The following PLA2G4D variants were observed in gnomAD, a reference collection of about 807,000 sequenced individuals.
PLA2G4D encodes phospholipase A2 group IVD.
PLA2G4D carries 80 observed loss-of-function variants against 94.4 expected under a neutral mutation model. The ratio of observed to expected loss-of-function variants is 0.85; its 90% CI spans 0.71 to 1.02. The LOEUF (loss-of-function observed/expected upper bound fraction) is 1.02, where lower values mean the gene tolerates loss of function less well. Among genes scored for constraint, PLA2G4D ranks in the 50% least tolerant of loss-of-function variants. The pLI, the probability that PLA2G4D is intolerant of heterozygous loss-of-function variation, is 0.00. For missense variants in PLA2G4D, 1,050 were observed against 1,034.7 expected, an observed-to-expected ratio of 1.01 and a Z score of -0.20; for synonymous variants, 438 against 440.9, an observed-to-expected ratio of 0.99 and a Z score of 0.08.
chr15:42,081,533 C>A lies in PLA2G4D; in HGVS notation c.903G>T (p.Val301=), dbSNP rs1237402728. Reference sequence around the variant, plus strand: ...GCAGGGCCTGCTTCAGGGCCTTGGCCACCACCTGCTTCCTCCTGCTCAGGA... The same window carrying A: ...GCAGGGCCTGCTTCAGGGCCTTGGCAACCACCTGCTTCCTCCTGCTCAGGA... ...QAFLSRRKQV[V]AKALKQALQL... The change falls in exon 11 of 20, where the codon GTG becomes GTT. Residue 301 remains valine (V), a synonymous_variant. Coordinates refer to ENST00000290472, the MANE Select transcript of PLA2G4D (RefSeq NM_178034.4). 4 of 1,614,094 alleles carry A rather than the reference C, an allele frequency of 2.5e-6. No homozygotes were observed. In the African/African-American group the frequency reaches 5.3e-5, roughly 22 times the overall value.
chr15:42,093,330 G>A (rs1890277832), intron 1 of PLA2G4D, among the ~76,000 whole-genome samples: 1 of 152,182 alleles, frequency 6.6e-6, no homozygotes, highest in Non-Finnish European at 1.5e-5. Context: ...TTTTACCCAG[G>A]AGCTAGACCT....
In PLA2G4D at chr15:42,085,634, A is replaced by G. The variant is rs1890127501; in HGVS notation, c.388-103T>C. Reference sequence around the variant, plus strand: ...ATCTCATCCTCTCAAGCGGTCTCCAAGGGAGGCACGTTAGTACAATTATTT... The same window carrying G: ...ATCTCATCCTCTCAAGCGGTCTCCAGGGGAGGCACGTTAGTACAATTATTT... On this transcript the variant is annotated intron_variant, in intron 4 of 19. Coordinates refer to ENST00000290472, the MANE Select transcript of PLA2G4D (RefSeq NM_178034.4). 1.8e-5 allele frequency: 21 copies of G among 1,171,038 alleles called. 1 individual carries two copies. Among genetic ancestry groups the G allele is most frequent in the Non-Finnish European group, 2.7e-5 (21 of 784,162 alleles). The allele number at this position is 1,171,038 out of a possible 1,614,324, so 72.5% of individuals were successfully genotyped here.
At chr15:42,075,768 T>G (rs1889908314) in intron 13 of PLA2G4D, among the ~76,000 whole-genome samples, 2 of 152,126 alleles carry the variant, frequency 1.3e-5, no homozygotes, top group Non-Finnish European at 2.9e-5. Context: ...ATGCCTGTAG[T>G]CGCAGGTATG....
Position 42,086,194 on chromosome 15 carries a change from T to TTCCCCCCCCCCCCCCCCCCC in PLA2G4D, c.387+18_387+19insGGGGGGGGGGGGGGGGGGGA. 26 of 1,370,444 alleles carry TTCCCCCCCCCCCCCCCCCCC rather than the reference T, an allele frequency of 1.9e-5. No homozygotes were observed. The South Asian group carries it at 2.2e-4, about 12-fold the overall frequency. The allele number at this position is 1,370,444 out of a possible 1,614,324, so 84.9% of individuals were successfully genotyped here. ...GGAAGAAGTGGGGCCCACGGGGACT[T>TTCCCCCCCCCCCCCCCCCCC]CCCCACCCACCCACCCACCTGGGGA... On this transcript the variant is annotated intron_variant, in intron 4 of 19. Transcript: ENST00000290472.
Position 42,087,318 on chromosome 15 carries a change from A to G in PLA2G4D, c.237T>C (p.Leu79=). 1 of 1,614,108 alleles carries G rather than the reference A, an allele frequency of 6.2e-7. No individual in the cohort carries two copies. The highest frequency in any genetic ancestry group is 1.6e-4 in the Middle Eastern group (1 of 6,062). The change falls in exon 3 of 20, where the codon CTT becomes CTC. Residue 79 remains leucine, a synonymous_variant. Transcript: ENST00000290472. ...HPVWNEAFRF[L]IQSQVKNVLE... Reference sequence around the variant, plus strand: ...CCTTCACCTTGACCTGACTTTGGATAAGGAAACGGAAGGCCTCATTCCACA... The same window carrying G: ...CCTTCACCTTGACCTGACTTTGGATGAGGAAACGGAAGGCCTCATTCCACA...
chr15:42,086,094 A>G (rs1890139041), intron 4 of PLA2G4D, 119 bp downstream of exon 4: 1 of 1,152,054 alleles, frequency 8.7e-7, no homozygotes, highest in Non-Finnish European at 1.2e-6. Context: ...AGGGGTTTAG[A>G]TTTTTCTGTG....
chr15:42,086,401 C>T (rs1048889509), intron 3 of PLA2G4D, 57 bp from the exon 4 acceptor site: 103 of 1,574,056 alleles, frequency 6.5e-5, no homozygotes, highest in Non-Finnish European at 8.6e-5. Context: ...GAGTAGCTCA[C>T]CTCTGTTGAG....
In PLA2G4D at chr15:42,085,521, TC is replaced by T; in HGVS notation, c.397del (p.Glu133SerfsTer7). On this transcript the variant is annotated frameshift_variant, in exon 5 of 20. Coordinates refer to ENST00000290472, the MANE Select transcript of PLA2G4D (RefSeq NM_178034.4). LOFTEE classifies it high-confidence loss of function. Reference sequence around the variant, plus strand: ...TTCCATCAGGAACTCCACATCCAGCTCCTCCTCTCCCTGAAATCAGAGAGCA... The same window carrying T: ...TTCCATCAGGAACTCCACATCCAGCTCTCCTCTCCCTGAAATCAGAGAGCA... ...TFSQSPQGEE[E>X]LDVEFLMEET... The T allele has an allele frequency of 6.2e-7, 1 of 1,613,560 alleles. No individual in the cohort carries two copies. Among genetic ancestry groups the T allele is most frequent in the Non-Finnish European group, 8.5e-7 (1 of 1,179,526 alleles).
Position 42,087,600 on chromosome 15 carries a change from C to T in PLA2G4D, c.118+28G>A, listed in dbSNP as rs1379206308. 1.9e-6 allele frequency: 3 copies of T among 1,613,522 alleles called. No homozygotes were observed. Among genetic ancestry groups the T allele is most frequent in the East Asian group, 4.5e-5 (2 of 44,884 alleles). On this transcript the variant is annotated intron_variant, in intron 2 of 19. Transcript: ENST00000290472. ...TATGGGATCTGGTCCTCCCTGCTCC[C>T]GACAGAGCGCACAGGGCGGTTACTC...
rs1045575248 is a variant in PLA2G4D, at chr15:42,084,929, C to T, written c.471+167G>A. On this transcript the variant is annotated intron_variant, in intron 6 of 19. Coordinates refer to ENST00000290472, the MANE Select transcript of PLA2G4D (RefSeq NM_178034.4). This position sits in a 1 kb window ranked among gnomAD's most constrained non-coding sequence, Gnocchi z 4.8. ...ATGCGCCCCTTAGCTCCAGGCCCCT[C>T]CAAGACCCACAGCCACAGGTGACCA... Among the ~76,000 whole-genome samples, 1 of 152,160 alleles carries T rather than the reference C, an allele frequency of 6.6e-6. No homozygotes were observed. The highest frequency in any genetic ancestry group is 2.4e-5 in the African/African-American group (1 of 41,438).
chr15:42,070,035 G>T lies in PLA2G4D; in HGVS notation c.2104C>A (p.Pro702Thr), dbSNP rs1441127481. The T allele has an allele frequency of 3.3e-6, 5 of 1,519,498 alleles. No homozygotes were observed. The highest frequency in any genetic ancestry group is 2.7e-5 in the East Asian group (1 of 37,348). 94.1% of individuals were successfully genotyped at this position (1,519,498 alleles called of 1,614,324 possible). ...GGCTGGTGCTGGTCCTGAGGGCTGG[G>T]TTCCACCCGGGGGAAGGGCAGCCCC... ...ARGLPFPRVE[P>T]SPQDQHQPRE... The change falls in exon 19 of 20, where the codon CCC becomes ACC. Residue 702 changes from proline to threonine, a missense_variant. Coordinates refer to ENST00000290472, the MANE Select transcript of PLA2G4D (RefSeq NM_178034.4).
chr15:42,094,364 G>C, intron 1 of PLA2G4D, 51 bp downstream of exon 1: 2 of 1,605,190 alleles, frequency 1.2e-6, no homozygotes, highest in South Asian at 2.2e-5. Flanking sequence ...AATGCACCCT[G>C]GCTCCAGGCC....
intron 14 of PLA2G4D, 87 bp from the exon 15 acceptor site, chr15:42,071,998 C>T: frequency 6.7e-7 from 1 of 1,496,956 alleles, no homozygotes; most frequent in Non-Finnish European, 9.1e-7. Flanking sequence ...GCCCCTGCCC[C>T]CAGCAGGCCT....
rs778093509 is a variant in PLA2G4D at position 42,081,043 on chromosome 15, G to T, written c.1048C>A (p.Leu350Ile). 1 of 1,614,064 alleles carries T rather than the reference G, an allele frequency of 6.2e-7. No homozygotes were observed. Among genetic ancestry groups the T allele is most frequent in the African/African-American group, 1.3e-5 (1 of 74,922 alleles). ...CTGAAGTAGGTCACACAGTCTAGGA[G>T]GCCCAGCTTCTGCAAGGCCAATAGG... ...GHLLALQKLG[L>I]LDCVTYFSGI... The change falls in exon 12 of 20, where the codon CTC becomes ATC. Residue 350 changes from leucine to isoleucine, a missense_variant. Transcript: ENST00000290472.
chr15:42,072,184 C>G, intron 14 of PLA2G4D, 91 bp downstream of exon 14: 1 of 1,223,474 alleles, frequency 8.2e-7, no homozygotes, highest in Non-Finnish European at 1.2e-6. Flanking sequence ...GCAATCTGTG[C>G]GGAGCTTCCA....
chr15:42,085,026 C>A, intron 6 of PLA2G4D, 70 bp downstream of exon 6: 1 of 1,550,912 alleles, frequency 6.4e-7, no homozygotes. Context: ...GTCCACACCC[C>A]AGGCAGCTGC....
intron 14 of PLA2G4D, 123 bp downstream of exon 14, chr15:42,072,152 C>G: frequency 2.9e-6 from 3 of 1,040,594 alleles, no homozygotes; most frequent in Non-Finnish European, 4.4e-6. Context: ...CCCTCAGCAC[C>G]ACTGCCCTTC....
intron 1 of PLA2G4D, among the ~76,000 whole-genome samples, chr15:42,094,044 C>T (rs1890294724): frequency 6.6e-6 from 1 of 152,098 alleles, no homozygotes; most frequent in Admixed American, 6.5e-5. Context: ...CAGGGTGATC[C>T]CAGGGCTCCA....
rs1889880454 is a variant in PLA2G4D, at chr15:42,074,302, G to A, written c.1318-1910C>T. 5.3e-5 allele frequency among the ~76,000 whole-genome samples: 8 copies of A among 152,080 alleles called. No individual in the cohort carries two copies. In the South Asian group the frequency reaches 1.7e-3, roughly 32 times the overall value. ...CCAAGCAAGTAACCCCAACCCTGCA[G>A]AACACCATTCTGATGATTCGAGGGT... On this transcript the variant is annotated intron_variant, in intron 13 of 19. Transcript: ENST00000290472.
Sources: gnomAD v4.1 joint callset for allele counts (sites outside exome capture counted in the v4.1 genomes callset) on GRCh38, gnomAD v4.1.1 for gene constraint, Gnocchi (gnomAD v3.1) non-coding constraint, MANE v1.5 for transcripts, NCBI Gene and HGNC (gene_info 2026-07-23, HGNC 2026-07-21) for gene names.